Variants in COL9A2 observed in about 807,000 individuals in gnomAD.
The protein encoded by COL9A2 is collagen alpha-2(IX) chain.
In COL9A2, 66 loss-of-function variants were observed where a neutral mutation model predicts 111.6. The ratio of observed to expected loss-of-function variants is 0.59; its 90% CI spans 0.48 to 0.73. The LOEUF (loss-of-function observed/expected upper bound fraction) is 0.73, where lower values mean the gene tolerates loss of function less well. COL9A2 is among the 30% of genes least tolerant of loss of function. COL9A2 has a pLI of 0.00. For synonymous variants in COL9A2, 353 were observed against 364.1 expected (o/e 0.97, Z 0.35); for missense variants, 881 against 954.1 (o/e 0.92, Z 1.01).
In COL9A2 at chr1:40,308,249, C is replaced by T. The variant is rs770161616; in HGVS notation, c.847-4G>A. Reference sequence around the variant, plus strand: ...GTCCACGAATACCTGGGCTGCCCTGCAAAGCGGAGAGAGATCAGGTCACCC... The same window carrying T: ...GTCCACGAATACCTGGGCTGCCCTGTAAAGCGGAGAGAGATCAGGTCACCC... On this transcript the variant is annotated splice_region_variant and splice_polypyrimidine_tract_variant and intron_variant, in intron 16 of 31. Transcript: ENST00000372748. 1 of 1,613,868 alleles carries T rather than the reference C, an allele frequency of 6.2e-7. No individual in the cohort carries two copies. Among genetic ancestry groups the T allele is most frequent in the East Asian group, 2.2e-5 (1 of 44,888 alleles).
chr1:40,315,391 C>A, intron 2 of COL9A2, 199 bp downstream of exon 2: 1 of 1,397,810 alleles, frequency 7.2e-7, no homozygotes, highest in Non-Finnish European at 9.3e-7. Flanking sequence ...GCGGCTATAA[C>A]GGGCTCCGCA....
Position 40,307,393 on chromosome 1 carries a change from C to T in COL9A2, c.1008+53G>A. 6.4e-7 allele frequency: 1 copy of T among 1,557,092 alleles called. No homozygotes were observed. The highest frequency in any genetic ancestry group is 8.8e-7 in the Non-Finnish European group (1 of 1,133,610). On this transcript the variant is annotated intron_variant, in intron 19 of 31. Transcript: ENST00000372748. The surrounding 1 kb of genome is among the most constrained non-coding windows in gnomAD (Gnocchi z 4.8). Reference sequence around the variant, plus strand: ...AGCCCCGGGTGTGTGTGGATTCTAACCTCATCAGCCACTAGCCCCTGGCCA... The same window carrying T: ...AGCCCCGGGTGTGTGTGGATTCTAATCTCATCAGCCACTAGCCCCTGGCCA...
At position 40,305,838 on chromosome 1, in the gene COL9A2, G is replaced by A. The variant is rs1437203822; in HGVS notation, c.1054-70C>T. The A allele has an allele frequency of 6.6e-5, 93 of 1,416,410 alleles. No homozygotes were observed. In the East Asian group the frequency reaches 2.0e-3, roughly 30 times the overall value. 87.7% of individuals were successfully genotyped at this position (1,416,410 alleles called of 1,614,324 possible). ...GCCCTTGGCCTCAGGGAAACCCAAC[G>A]AAGCCTAAACAGAGCCTGGAACCAG... On this transcript the variant is annotated intron_variant, in intron 20 of 31. Coordinates refer to ENST00000372748, the MANE Select transcript of COL9A2 (RefSeq NM_001852.4).
In COL9A2 at chr1:40,303,974, T is replaced by G; in HGVS notation, c.1324-2A>C. The G allele has an allele frequency of 6.4e-7, 1 of 1,566,726 alleles. No homozygotes were observed. The highest frequency in any genetic ancestry group is 8.7e-7 in the Non-Finnish European group (1 of 1,155,308). On this transcript the variant is annotated splice_acceptor_variant, in intron 25 of 31. Transcript: ENST00000372748. LOFTEE classifies it high-confidence loss of function. This position sits in a 1 kb window ranked among gnomAD's most constrained non-coding sequence, Gnocchi z 4.6. ...GAGGCCGGCCACCCCTGGGTCACCC[T>G]GCAGAGAGAACCACGGGTCAGACGC...
rs1460747034 is a variant in COL9A2 at position 40,303,087 on chromosome 1, C to T, written c.1603+44G>A. On this transcript the variant is annotated intron_variant, in intron 29 of 31. Coordinates refer to ENST00000372748, the MANE Select transcript of COL9A2 (RefSeq NM_001852.4). The surrounding 1 kb of genome is among the most constrained non-coding windows in gnomAD (Gnocchi z 4.6). ...GCTCCGGGAGGGGGTGAGGGGGCGG[C>T]GATGCCCTCGAACTGACTGTGAGGA... 3.8e-6 allele frequency: 6 copies of T among 1,590,914 alleles called. No homozygotes were observed. Among genetic ancestry groups the T allele is most frequent in the South Asian group, 2.3e-5 (2 of 88,216 alleles).
Position 40,307,992 on chromosome 1 carries a change from C to T in COL9A2, c.900+200G>A, listed in dbSNP as rs1644057229. 6.6e-6 allele frequency among the ~76,000 whole-genome samples: 1 copy of T among 152,118 alleles called. No individual in the cohort carries two copies. Among genetic ancestry groups the T allele is most frequent in the Non-Finnish European group, 1.5e-5 (1 of 68,010 alleles). On this transcript the variant is annotated intron_variant, in intron 17 of 31. Coordinates refer to ENST00000372748, the MANE Select transcript of COL9A2 (RefSeq NM_001852.4). This position sits in a 1 kb window ranked among gnomAD's most constrained non-coding sequence, Gnocchi z 4.8. ...GGTGTCCCCGACTGCTGCAAGCTCC[C>T]CATGACCTCCCGTATGTCATCACCC...
chr1:40,305,401 A>C (rs1214514525), intron 21 of COL9A2, among the ~76,000 whole-genome samples: 1 of 152,166 alleles, frequency 6.6e-6, no homozygotes, highest in Admixed American at 6.5e-5. Flanking sequence ...TATACCCTCC[A>C]TATGAAGAGG....
chr1:40,317,228 C>A lies in COL9A2; in HGVS notation c.-31G>T. 1.5e-6 allele frequency: 2 copies of A among 1,366,464 alleles called. No homozygotes were observed. The highest frequency in any genetic ancestry group is 1.9e-6 in the Non-Finnish European group (2 of 1,026,766). The allele number at this position is 1,366,464 out of a possible 1,614,324, so 84.6% of individuals were successfully genotyped here. A position where few individuals can be genotyped will look rare whatever the true frequency, so the allele number is the denominator to read the frequency against. Reference sequence around the variant, plus strand: ...GCGGCGAGACCAAGGGGGACGGGTGCGTGTCCGCGCACGCACCGACGGCAG... The same window carrying A: ...GCGGCGAGACCAAGGGGGACGGGTGAGTGTCCGCGCACGCACCGACGGCAG... On this transcript the variant is annotated 5_prime_UTR_variant, in exon 1 of 32. Coordinates refer to ENST00000372748, the MANE Select transcript of COL9A2 (RefSeq NM_001852.4). The surrounding 1 kb of genome is among the most constrained non-coding windows in gnomAD (Gnocchi z 4.3).
Position 40,307,715 on chromosome 1 carries a change from C to T in COL9A2, c.942G>A (p.Thr314=), listed in dbSNP as rs144615318. The T allele has an allele frequency of 7.3e-5, 118 of 1,614,064 alleles. No individual in the cohort carries two copies. The highest frequency in any genetic ancestry group is 8.6e-5 in the Non-Finnish European group (101 of 1,180,014). The change falls in exon 18 of 32, where the codon ACG becomes ACA. Residue 314 remains threonine (T), a synonymous_variant. Coordinates refer to ENST00000372748, the MANE Select transcript of COL9A2 (RefSeq NM_001852.4). The surrounding 1 kb of genome is among the most constrained non-coding windows in gnomAD (Gnocchi z 4.8). ...GCCCCACTCCTACCTTCATGCCAGG[C>T]GTGCCTGGGGTCCCATCCTTGCCGT... ...GINGKDGTPG[T]PGMKGSAGQA...
In COL9A2 at chr1:40,317,179, A is replaced by G. The variant is rs865918574; in HGVS notation, c.19T>C (p.Ser7Pro). The G allele has an allele frequency of 1.3e-6, 2 of 1,586,606 alleles. No individual in the cohort carries two copies. The highest frequency in any genetic ancestry group is 1.7e-6 in the Non-Finnish European group (2 of 1,166,718). ...AGGAGAACAAGGAGGCTGCGGGGGG[A>G]GGCCGTAGCGGCGGCCATGGCTGGC... is the stretch of plus-strand genomic sequence containing the variant. Reference protein sequence around the residue: MAAATASPRSLLVLLQV... With the variant: MAAATAPPRSLLVLLQV... The change falls in exon 1 of 32, where the codon TCC (serine) becomes CCC (proline). Residue 7 changes from serine to proline, a missense_variant. Coordinates refer to ENST00000372748, the MANE Select transcript of COL9A2 (RefSeq NM_001852.4). The surrounding 1 kb of genome is among the most constrained non-coding windows in gnomAD (Gnocchi z 4.3).
Position 40,303,560 on chromosome 1 carries a change from C to A in COL9A2, c.1518G>T (p.Val506=). 1 of 1,612,060 alleles carries A rather than the reference C, an allele frequency of 6.2e-7. No individual in the cohort carries two copies. The highest frequency in any genetic ancestry group is 1.7e-5 in the Admixed American group (1 of 59,942). The change falls in exon 28 of 32, where the codon GTG becomes GTT. Residue 506 remains valine (V), a synonymous_variant. Transcript: ENST00000372748. The surrounding 1 kb of genome is among the most constrained non-coding windows in gnomAD (Gnocchi z 4.6). ...GPRGLAGNRG[V]PGQPGRQGVE... Reference sequence around the variant, plus strand: ...CGCCCTGTCTCCCGGGCTGTCCTGGCACGCCTCGGTTCCCGGCCAGTCCTC... The same window carrying A: ...CGCCCTGTCTCCCGGGCTGTCCTGGAACGCCTCGGTTCCCGGCCAGTCCTC...
chr1:40,312,939 C>T lies in COL9A2; in HGVS notation c.250-155G>A, dbSNP rs138515409. Among the ~76,000 whole-genome samples the T allele has an allele frequency of 6.6e-6, 1 of 152,262 alleles. No homozygotes were observed. The highest frequency in any genetic ancestry group is 1.9e-4 in the East Asian group (1 of 5,168). The stretch of plus-strand genomic sequence containing the variant: ...AACCTCCACACCTTTCTTTCCTTTT[C>T]CCCAGTTCCCATAGTAACCCTAGGA... On this transcript the variant is annotated intron_variant, in intron 4 of 31. Coordinates refer to ENST00000372748, the MANE Select transcript of COL9A2 (RefSeq NM_001852.4). This position sits in a 1 kb window ranked among gnomAD's most constrained non-coding sequence, Gnocchi z 6.0.
chr1:40,309,880 T>C (rs1644091733), intron 16 of COL9A2, 58 bp downstream of exon 16: 2 of 1,583,928 alleles, frequency 1.3e-6, no homozygotes, highest in African/African-American at 2.7e-5. Context: ...GGGGGTGCCT[T>C]GTCCTGCCCA....
In COL9A2 at chr1:40,314,738, G is replaced by A. The variant is rs112848604; in HGVS notation, c.151-351C>T. ...GGATTTGGGCACGTGTGGGAGGAAG[G>A]TTGGGGCTTTTAGAGAAACGTGAAG... On this transcript the variant is annotated intron_variant, in intron 2 of 31. Coordinates refer to ENST00000372748, the MANE Select transcript of COL9A2 (RefSeq NM_001852.4). The surrounding 1 kb of genome is among the most constrained non-coding windows in gnomAD (Gnocchi z 4.1). Among the ~76,000 whole-genome samples the A allele has an allele frequency of 2.6e-5, 4 of 152,324 alleles. No individual in the cohort carries two copies. The highest frequency in any genetic ancestry group is 9.6e-5 in the African/African-American group (4 of 41,566).
intron 1 of COL9A2, chr1:40,315,958 A>G: frequency 2.9e-6 from 1 of 341,982 alleles, no homozygotes; most frequent in African/African-American, 2.1e-5. Flanking sequence ...CGGCGCCAGG[A>G]GTCCGCCCTG....
chr1:40,307,807 G>A lies in COL9A2; in HGVS notation c.901-51C>T, dbSNP rs1430344351. On this transcript the variant is annotated intron_variant, in intron 17 of 31. Coordinates refer to ENST00000372748, the MANE Select transcript of COL9A2 (RefSeq NM_001852.4). This position sits in a 1 kb window ranked among gnomAD's most constrained non-coding sequence, Gnocchi z 4.8. ...GAGTGATAATGCGGAGATGTCTGGG[G>A]TCTGGCCACCCACCCCTGTTCCTCT... 2 of 1,591,044 alleles carry A rather than the reference G, an allele frequency of 1.3e-6. No individual in the cohort carries two copies. The highest frequency in any genetic ancestry group is 1.7e-6 in the Non-Finnish European group (2 of 1,159,812).
At chr1:40,313,325 C>A (rs1172842910) in intron 4 of COL9A2, among the ~76,000 whole-genome samples, 1 of 152,136 alleles carries the variant, frequency 6.6e-6, no homozygotes, top group Non-Finnish European at 1.5e-5. Context: ...TGCGCCACCA[C>A]GCTTGGGTAA....
chr1:40,316,729 G>A lies in COL9A2; in HGVS notation c.75+394C>T, dbSNP rs541052044. The A allele has an allele frequency of 2.7e-6, 1 of 368,516 alleles. No homozygotes were observed. 22.8% of individuals were successfully genotyped at this position (368,516 alleles called of 1,614,324 possible). A position where few individuals can be genotyped will look rare whatever the true frequency, so the allele number is the denominator to read the frequency against. On this transcript the variant is annotated intron_variant, in intron 1 of 31. Coordinates refer to ENST00000372748, the MANE Select transcript of COL9A2 (RefSeq NM_001852.4). The surrounding 1 kb of genome is among the most constrained non-coding windows in gnomAD (Gnocchi z 5.5). Reference sequence around the variant, plus strand: ...CAGGGCCGAGAGGCCGCCTCGGGGCGACAGCGGCGTCTGGTTGGAGCCGGC... The same window carrying A: ...CAGGGCCGAGAGGCCGCCTCGGGGCAACAGCGGCGTCTGGTTGGAGCCGGC...
rs367775300 is a variant in COL9A2, at chr1:40,304,141, T to G, written c.1288-42A>C. 4.6e-6 allele frequency: 7 copies of G among 1,526,598 alleles called. No individual in the cohort carries two copies. In the African/African-American group the frequency reaches 8.3e-5, roughly 18 times the overall value. 94.6% of individuals were successfully genotyped at this position (1,526,598 alleles called of 1,614,324 possible). On this transcript the variant is annotated intron_variant, in intron 24 of 31. Transcript: ENST00000372748. ...GTGAGGGGTTTGGCGAGCTCCCCCCTCCACGGGGTCCCCCACCTAACTTTC... is the reference window on the plus strand; with the variant it reads ...GTGAGGGGTTTGGCGAGCTCCCCCCGCCACGGGGTCCCCCACCTAACTTTC...
Sources: gnomAD v4.1 joint callset for allele counts (sites outside exome capture counted in the v4.1 genomes callset) on GRCh38, gnomAD v4.1.1 for gene constraint, Gnocchi (gnomAD v3.1) non-coding constraint, MANE v1.5 for transcripts, NCBI Gene and HGNC (gene_info 2026-07-23, HGNC 2026-07-21) for gene names.